Variants in PACRG observed in about 807,000 individuals in gnomAD.
PACRG encodes the protein parkin coregulated gene protein.
In PACRG, 29 loss-of-function variants were observed where a neutral mutation model predicts 29.7. The observed-to-expected ratio is 0.98, with a 90% CI of 0.73 to 1.33. The LOEUF is 1.33. Among genes scored for constraint, PACRG ranks in the 40% most tolerant of loss-of-function variants. The pLI, the probability that PACRG is intolerant of heterozygous loss-of-function variation, is 0.00. For missense variants in PACRG, 279 were observed against 316.2 expected, an observed-to-expected ratio of 0.88 and a Z score of 0.89; for synonymous variants, 116 against 118.7, an observed-to-expected ratio of 0.98 and a Z score of 0.15.
At chr6:163,294,377 C>G (rs1412416017) in intron 4 of PACRG, among the ~76,000 whole-genome samples, 3 of 152,026 alleles carry the variant, frequency 2.0e-5, no homozygotes, top group Non-Finnish European at 4.4e-5. Context: ...GAGGAGGCTA[C>G]CTGTAAACAA....
intron 1 of PACRG, among the ~76,000 whole-genome samples, chr6:162,741,143 T>C (rs1028125635): frequency 6.6e-6 from 1 of 152,220 alleles, no homozygotes; most frequent in African/African-American, 2.4e-5. Context: ...GTGTCTCTGA[T>C]TTACCAGGCA....
At chr6:162,971,952 T>C (rs1273891542) in intron 2 of PACRG, among the ~76,000 whole-genome samples, 1 of 152,168 alleles carries the variant, frequency 6.6e-6, no homozygotes, top group Non-Finnish European at 1.5e-5. Flanking sequence ...ACCACGGCGC[T>C]CGCAGTTTTC....
chr6:162,945,965 G>T (rs896895491), intron 2 of PACRG, among the ~76,000 whole-genome samples: 1 of 152,072 alleles, frequency 6.6e-6, no homozygotes, highest in African/African-American at 2.4e-5. Flanking sequence ...TGAAACAAAT[G>T]AAAGTCAAAA....
intron 4 of PACRG, among the ~76,000 whole-genome samples, chr6:163,138,115 A>T (rs1016970761): frequency 3.3e-5 from 5 of 152,222 alleles, no homozygotes; most frequent in Non-Finnish European, 7.3e-5. Flanking sequence ...AATTTGGAAA[A>T]CTTAAATCGA....
intron 2 of PACRG, among the ~76,000 whole-genome samples, chr6:162,845,032 T>C (rs1790234389): frequency 6.6e-6 from 1 of 152,214 alleles, no homozygotes; most frequent in Admixed American, 6.5e-5. Flanking sequence ...TAATCTCGTA[T>C]CTTAGGTTCT....
chr6:163,103,532 C>G (rs1234520044), intron 4 of PACRG, among the ~76,000 whole-genome samples: 1 of 151,854 alleles, frequency 6.6e-6, no homozygotes, highest in Non-Finnish European at 1.5e-5. Flanking sequence ...TTTTTTGTTA[C>G]AAGGCATGGA....
At chr6:163,116,065 T>A (rs1195503470) in intron 4 of PACRG, among the ~76,000 whole-genome samples, 4 of 152,174 alleles carry the variant, frequency 2.6e-5, no homozygotes, top group Non-Finnish European at 4.4e-5. Flanking sequence ...GGTGTATTAG[T>A]GCATTCTCAC....
chr6:162,990,028 G>C (rs1199064714), intron 2 of PACRG, among the ~76,000 whole-genome samples: 1 of 149,990 alleles, frequency 6.7e-6, no homozygotes, highest in African/African-American at 2.4e-5. Flanking sequence ...TGAGAATGAT[G>C]ATTTCCAATT....
chr6:163,204,224 A>T (rs979981334), intron 4 of PACRG, among the ~76,000 whole-genome samples: 1 of 152,234 alleles, frequency 6.6e-6, no homozygotes, highest in Non-Finnish European at 1.5e-5. Context: ...TGGATTGTTA[A>T]CATTAGCTTG....
intron 3 of PACRG, among the ~76,000 whole-genome samples, chr6:163,072,072 C>G (rs1356603253): frequency 6.6e-6 from 1 of 151,742 alleles, no homozygotes; most frequent in African/African-American, 2.4e-5. Context: ...GAGAATACTT[C>G]CAAGTTCATT....
chr6:162,747,376 A>G lies in PACRG; in HGVS notation c.156+18985A>G, dbSNP rs1316541368. On this transcript the variant is annotated intron_variant, in intron 1 of 4. Coordinates refer to ENST00000366888, the MANE Select transcript of PACRG (RefSeq NM_001080379.2). The stretch of plus-strand genomic sequence containing the variant: ...TATATATATATATACACATACATAT[A>G]TATGTATATATATGTATATATATAT... 3.6e-4 allele frequency among the ~76,000 whole-genome samples: 25 copies of G among 68,668 alleles called. 2 individuals carry two copies. The highest frequency in any genetic ancestry group is 9.7e-4 in the South Asian group (1 of 1,036). The allele number at this position is 68,668 out of a possible 152,430, so 45.0% of individuals were successfully genotyped here.
chr6:163,137,241 A>G (rs1292684169), intron 4 of PACRG, among the ~76,000 whole-genome samples: 1 of 152,092 alleles, frequency 6.6e-6, no homozygotes, highest in African/African-American at 2.4e-5. Flanking sequence ...ATTCTTTCCA[A>G]TGTCACACAG....
chr6:163,272,774 G>T (rs1783881298), intron 4 of PACRG, among the ~76,000 whole-genome samples: 1 of 151,898 alleles, frequency 6.6e-6, no homozygotes, highest in Non-Finnish European at 1.5e-5. Context: ...AACATCCATG[G>T]AAATGATCAT....
intron 4 of PACRG, among the ~76,000 whole-genome samples, chr6:163,300,063 G>A (rs1483867778): frequency 6.6e-6 from 1 of 152,158 alleles, no homozygotes; most frequent in Non-Finnish European, 1.5e-5. Flanking sequence ...GCAGGTGAAG[G>A]ACAACAGAAC....
chr6:163,053,588 C>A (rs1333905608), intron 2 of PACRG, among the ~76,000 whole-genome samples: 1 of 152,176 alleles, frequency 6.6e-6, no homozygotes, highest in Non-Finnish European at 1.5e-5. Context: ...AGGGAAAACA[C>A]AAGCACCCGG....
At chr6:163,079,230 G>A (rs1257298239) in intron 3 of PACRG, among the ~76,000 whole-genome samples, 1 of 151,738 alleles carries the variant, frequency 6.6e-6, no homozygotes, top group East Asian at 1.9e-4. Flanking sequence ...CTAAATTGGG[G>A]TCATCAAAAA....
chr6:163,102,637 G>A (rs77624222), intron 4 of PACRG, among the ~76,000 whole-genome samples: 2,539 of 152,254 alleles, frequency 0.017, 79 homozygotes, highest in African/African-American at 0.054. Context: ...ACCACGTGAT[G>A]ATATGTATAT....
chr6:162,866,816 G>C (rs1009301780), intron 2 of PACRG, among the ~76,000 whole-genome samples: 1 of 152,054 alleles, frequency 6.6e-6, no homozygotes, highest in Non-Finnish European at 1.5e-5. Context: ...GCACCCAACC[G>C]AACCAAAAGA....
chr6:163,218,194 A>G (rs758626125), intron 4 of PACRG, among the ~76,000 whole-genome samples: 4 of 152,198 alleles, frequency 2.6e-5, no homozygotes, highest in Non-Finnish European at 5.9e-5. Flanking sequence ...GAAAACTTTT[A>G]TCAACTTACC....
Sources: allele counts gnomAD v4.1 joint callset (sites outside exome capture counted in the v4.1 genomes callset), GRCh38; gene constraint gnomAD v4.1.1; transcripts MANE v1.5; gene names NCBI Gene and HGNC (gene_info 2026-07-23, HGNC 2026-07-21).